HERC2: variants seen among roughly 807,000 people sequenced by gnomAD.
HERC2 encodes the protein E3 ubiquitin-protein ligase HERC2.
A neutral mutation model predicts 537.7 loss-of-function variants in HERC2; 102 were observed. The observed-to-expected ratio is 0.19, with a 90% CI of 0.16 to 0.22. The LOEUF (loss-of-function observed/expected upper bound fraction) is 0.22, where lower values mean the gene tolerates loss of function less well. HERC2 is among the 10% of genes least tolerant of loss of function. The pLI is 1.00. For missense variants in HERC2, 4,236 were observed against 6,198.2 expected, an observed-to-expected ratio of 0.68 and a Z score of 10.63; for synonymous variants, 2,224 against 2,466.2, an observed-to-expected ratio of 0.90 and a Z score of 2.91.
intron 16 of HERC2, among the ~76,000 whole-genome samples, chr15:28,259,501 G>A (rs543469256): frequency 6.6e-5 from 10 of 152,094 alleles, no homozygotes; most frequent in Non-Finnish European, 1.3e-4. Flanking sequence ...GAAAAAGGAC[G>A]GAACACATGC....
rs955190048 is a variant in HERC2 at position 28,129,683 on chromosome 15, C to T, written c.12802+480G>A. 3.9e-5 allele frequency among the ~76,000 whole-genome samples: 6 copies of T among 152,204 alleles called. No individual in the cohort carries two copies. The East Asian group carries it at 1.2e-3, about 29-fold the overall frequency. ...GCCCAGTAATAAGTAATAAATAGAA[C>T]TCATTCACAGGTTTAACAGCAGGGG... On this transcript the variant is annotated intron_variant, in intron 83 of 92. Coordinates refer to ENST00000261609, the MANE Select transcript of HERC2 (RefSeq NM_004667.6).
At chr15:28,230,199 A>G (rs1008073771) in intron 31 of HERC2, among the ~76,000 whole-genome samples, 168 bp downstream of exon 31, 1 of 151,790 alleles carries the variant, frequency 6.6e-6, no homozygotes, top group Non-Finnish European at 1.5e-5. Flanking sequence ...TTCTCCAGCT[A>G]CAGCTCTGAC....
intron 2 of HERC2, among the ~76,000 whole-genome samples, chr15:28,303,574 A>G (rs1330995757): frequency 6.6e-6 from 1 of 150,706 alleles, no homozygotes; most frequent in Non-Finnish European, 1.5e-5. Context: ...TTTTTTTTCT[A>G]TTTCTGTGAA....
chr15:28,303,395 TTGGTA>T (rs1408593064), intron 2 of HERC2, among the ~76,000 whole-genome samples: 3 of 152,088 alleles, frequency 2.0e-5, no homozygotes, highest in Non-Finnish European at 4.4e-5. Flanking sequence ...CCATGCTGTT[TTGGTA>T]TACCTTTCTA....
At chr15:28,129,157 C>T (rs1889828517) in intron 83 of HERC2, among the ~76,000 whole-genome samples, 1 of 152,212 alleles carries the variant, frequency 6.6e-6, no homozygotes, top group South Asian at 2.1e-4. Flanking sequence ...GCCCCACGCT[C>T]CTGATTCTCC....
intron 70 of HERC2, among the ~76,000 whole-genome samples, chr15:28,148,497 T>C (rs1892003097): frequency 6.6e-6 from 1 of 152,074 alleles, no homozygotes; most frequent in Non-Finnish European, 1.5e-5. Flanking sequence ...CACTGCAGAC[T>C]GTAATTCAAG....
At chr15:28,254,834 G>C (rs891793147) in intron 19 of HERC2, among the ~76,000 whole-genome samples, 1 of 152,214 alleles carries the variant, frequency 6.6e-6, no homozygotes, top group African/African-American at 2.4e-5. Flanking sequence ...CCCCACACAT[G>C]CAACATCCAG....
At chr15:28,300,738 G>A (rs1384069228) in intron 2 of HERC2, among the ~76,000 whole-genome samples, 1 of 127,528 alleles carries the variant, frequency 7.8e-6, no homozygotes, top group Non-Finnish European at 1.6e-5. Context: ...CAGAAGACTA[G>A]CATGAACCCA....
intron 86 of HERC2, chr15:28,117,510 C>T (rs773239327): frequency 2.4e-5 from 14 of 573,940 alleles, no homozygotes; most frequent in Non-Finnish European, 4.0e-5. Flanking sequence ...ACCCTAAGCA[C>T]TGCTGCTACT....
At chr15:28,203,335 G>A (rs571071511) in intron 45 of HERC2, 86 of 147,640 alleles carry the variant, frequency 5.8e-4, no homozygotes, top group African/African-American at 2.1e-3. Context: ...GGAAGAAACC[G>A]AGGACACTGT....
intron 35 of HERC2, among the ~76,000 whole-genome samples, chr15:28,226,842 T>C (rs1901231037): frequency 6.6e-6 from 1 of 152,156 alleles, no homozygotes; most frequent in Non-Finnish European, 1.5e-5. Context: ...CTGATAAAGG[T>C]CTACAGATCT....
At chr15:28,117,284 G>C (rs779776543) in intron 86 of HERC2, 130 bp from the exon 87 acceptor site, 1 of 942,020 alleles carries the variant, frequency 1.1e-6, no homozygotes, top group African/African-American at 1.6e-5. Flanking sequence ...TCACACACCT[G>C]CTTGTGTGGA....
At chr15:28,136,214 C>T (rs1284647181) in intron 78 of HERC2, among the ~76,000 whole-genome samples, 2 of 151,668 alleles carry the variant, frequency 1.3e-5, no homozygotes, top group African/African-American at 4.8e-5. Flanking sequence ...TAAAAACATA[C>T]ACACACTAAA....
chr15:28,136,185 T>C (rs1306558669), intron 78 of HERC2, among the ~76,000 whole-genome samples: 1 of 152,160 alleles, frequency 6.6e-6, no homozygotes, highest in Non-Finnish European at 1.5e-5. Flanking sequence ...CTATGATTAA[T>C]TTTAAAAAAT....
chr15:28,244,828 TA>T (rs1289511275), intron 23 of HERC2, among the ~76,000 whole-genome samples: 1 of 152,088 alleles, frequency 6.6e-6, no homozygotes, highest in Non-Finnish European at 1.5e-5. Flanking sequence ...GCTCCCATGT[TA>T]GGGGGATGAT....
chr15:28,168,575 C>G lies in HERC2; in HGVS notation c.10245G>C (p.Gly3415=). The change falls in exon 67 of 93, where the codon GGG becomes GGC. Residue 3415 remains glycine, a synonymous_variant. Coordinates refer to ENST00000261609, the MANE Select transcript of HERC2 (RefSeq NM_004667.6). The part of the protein sequence containing the change: ...QIMYARDAVV[G]ALMPAAMIAP... The stretch of plus-strand genomic sequence containing the variant: ...CGATCATGGCGGCCGGCATCAGGGC[C>G]CCGACAACAGCATCTCTGTCAGGAC... 1 of 1,613,782 alleles carries G rather than the reference C, an allele frequency of 6.2e-7. No individual in the cohort carries two copies. Among genetic ancestry groups the G allele is most frequent in the Non-Finnish European group, 8.5e-7 (1 of 1,179,858 alleles).
chr15:28,249,296 C>T (rs1260174956), intron 20 of HERC2, among the ~76,000 whole-genome samples: 1 of 152,166 alleles, frequency 6.6e-6, no homozygotes, highest in Non-Finnish European at 1.5e-5. Flanking sequence ...GCAGCAGGTG[C>T]CGAGGGCTCA....
At chr15:28,135,166 C>T (rs6497280) in intron 79 of HERC2, among the ~76,000 whole-genome samples, 127,667 of 152,048 alleles carry the variant, frequency 0.84, 57,510 homozygotes, top group Non-Finnish European at 0.99. Context: ...TTTAGTATCA[C>T]GCACGTTACA....
At chr15:28,126,642 A>G (rs1452377915) in intron 83 of HERC2, among the ~76,000 whole-genome samples, 1 of 152,152 alleles carries the variant, frequency 6.6e-6, no homozygotes, top group East Asian at 1.9e-4. Flanking sequence ...GGAAAACCAA[A>G]CCATATGTTC....
Sources: gnomAD v4.1 joint callset for allele counts (sites outside exome capture counted in the v4.1 genomes callset) on GRCh38, gnomAD v4.1.1 for gene constraint, MANE v1.5 for transcripts, NCBI Gene and HGNC (gene_info 2026-07-23, HGNC 2026-07-21) for gene names.